TPD52L1: variants seen among roughly 807,000 people sequenced by gnomAD.
TPD52L1 encodes tumor protein D53.
A neutral mutation model predicts 28.7 loss-of-function variants in TPD52L1; 18 were observed. The ratio of observed to expected loss-of-function variants is 0.63; its 90% CI spans 0.43 to 0.93. The LOEUF is 0.93. Among genes scored for constraint, TPD52L1 ranks in the 40% least tolerant of loss-of-function variants. TPD52L1 has a pLI of 0.00. For missense variants in TPD52L1, 203 were observed against 254.8 expected (o/e 0.80, Z 1.39); for synonymous variants, 75 against 88.8 (o/e 0.84, Z 0.88).
intron 6 of TPD52L1, chr6:125,262,181 C>T (rs1204501107): frequency 6.6e-6 from 1 of 152,214 alleles, no homozygotes; most frequent in East Asian, 1.9e-4. Context: ...CCAGGTTCCT[C>T]CTTGCTAGGA....
At chr6:125,172,528 A>ATAT (rs1554202615) in intron 1 of TPD52L1, among the ~76,000 whole-genome samples, 6 of 83,442 alleles carry the variant, frequency 7.2e-5, no homozygotes, top group Admixed American at 1.4e-4. Flanking sequence ...ATATATATAT[A>ATAT]TATATATATA....
intron 1 of TPD52L1, among the ~76,000 whole-genome samples, chr6:125,207,080 T>G (rs2114918606): frequency 6.6e-6 from 1 of 152,326 alleles, no homozygotes; most frequent in South Asian, 2.1e-4. Flanking sequence ...AGGGGATTAA[T>G]TCAACAAACA....
chr6:125,251,707 G>T (rs1236036025), intron 4 of TPD52L1, among the ~76,000 whole-genome samples: 1 of 152,154 alleles, frequency 6.6e-6, no homozygotes, highest in African/African-American at 2.4e-5. Context: ...AATAACATTG[G>T]CATCTTCTGG....
chr6:125,178,480 G>A (rs1791957819), intron 1 of TPD52L1, among the ~76,000 whole-genome samples: 1 of 152,080 alleles, frequency 6.6e-6, no homozygotes, highest in Admixed American at 6.5e-5. Flanking sequence ...ACTTAGCCAG[G>A]CGTGGTGGCA....
intron 6 of TPD52L1, chr6:125,261,581 A>G (rs550074840): frequency 1.3e-5 from 2 of 151,666 alleles, no homozygotes; most frequent in Non-Finnish European, 2.9e-5. Flanking sequence ...CCATATTTTT[A>G]GTGCATCTAC....
Position 125,262,932 on chromosome 6 carries a change from G to A in TPD52L1, c.585G>A (p.Arg195=). 6.2e-7 allele frequency: 1 copy of A among 1,614,124 alleles called. No homozygotes were observed. The highest frequency in any genetic ancestry group is 8.5e-7 in the Non-Finnish European group (1 of 1,179,988). The part of the protein sequence containing the change: ...ASAQSLAGGS[R]RTKEEELQC ...CCCAGAGCTTGGCAGGAGGCTCCCG[G>A]CGGACCAAGGAGGAGGAGCTGCAGT... Residue 195 remains arginine (R), a synonymous_variant, in exon 7 of 7, where the codon CGG becomes CGA. Transcript: ENST00000534000.
intron 1 of TPD52L1, among the ~76,000 whole-genome samples, chr6:125,216,340 T>G (rs568213582): frequency 2.0e-5 from 3 of 151,948 alleles, no homozygotes; most frequent in South Asian, 2.1e-4. Flanking sequence ...ACCTAATGAC[T>G]TAGCTAGGAG....
chr6:125,247,146 A>G (rs372982432), intron 3 of TPD52L1, among the ~76,000 whole-genome samples: 183 of 152,222 alleles, frequency 1.2e-3, no homozygotes, highest in African/African-American at 4.1e-3. Context: ...GGCAGTTCCT[A>G]CATAGCTGAT....
chr6:125,188,998 G>A (rs1337630052), intron 1 of TPD52L1, among the ~76,000 whole-genome samples: 1 of 152,224 alleles, frequency 6.6e-6, no homozygotes, highest in Non-Finnish European at 1.5e-5. Flanking sequence ...TTAAGCTAGA[G>A]GCAAATAAAT....
At chr6:125,154,519 C>T in intron 1 of TPD52L1, 1 of 979,772 alleles carries the variant, frequency 1.0e-6, no homozygotes, top group African/African-American at 1.8e-5. Flanking sequence ...CCCTGACCTC[C>T]AGCAGATCCA....
At chr6:125,172,619 A>G (rs1582856942) in intron 1 of TPD52L1, among the ~76,000 whole-genome samples, 1 of 104,698 alleles carries the variant, frequency 9.6e-6, no homozygotes, top group East Asian at 4.7e-4. Context: ...ATATATAATT[A>G]TATATATATA....
chr6:125,260,936 GAAAGAAAGAAAGA>G (rs1481322507), intron 6 of TPD52L1: 4 of 79,244 alleles, frequency 5.0e-5, no homozygotes, highest in Non-Finnish European at 1.1e-4. Context: ...AAGAAAGAAA[GAAAGAAAGAAAGA>G]AAGAAAGAAA....
intron 1 of TPD52L1, among the ~76,000 whole-genome samples, chr6:125,207,790 T>C (rs535580912): frequency 6.6e-6 from 1 of 152,352 alleles, no homozygotes. Flanking sequence ...GTCTCTGATC[T>C]AGGAGTCTGG....
chr6:125,161,946 G>A (rs1268604599), intron 1 of TPD52L1, among the ~76,000 whole-genome samples: 1 of 151,962 alleles, frequency 6.6e-6, no homozygotes, highest in African/African-American at 2.4e-5. Context: ...ATATCTGTGA[G>A]GTACAATAAA....
At chr6:125,214,826 CA>C (rs1432756003) in intron 1 of TPD52L1, among the ~76,000 whole-genome samples, 1 of 152,122 alleles carries the variant, frequency 6.6e-6, no homozygotes, top group Non-Finnish European at 1.5e-5. Context: ...ATAGCATTTT[CA>C]AGTATATTAT....
chr6:125,178,660 T>A (rs559215285), intron 1 of TPD52L1, among the ~76,000 whole-genome samples: 19 of 147,050 alleles, frequency 1.3e-4, no homozygotes, highest in South Asian at 6.4e-4. Context: ...CAAAACAAAA[T>A]ATATATATAT....
At chr6:125,196,451 A>G (rs1793447047) in intron 1 of TPD52L1, among the ~76,000 whole-genome samples, 1 of 152,260 alleles carries the variant, frequency 6.6e-6, no homozygotes, top group Non-Finnish European at 1.5e-5. Flanking sequence ...AAATGCAAAA[A>G]AGTCTAAATA....
chr6:125,197,612 A>AT (rs1226062274), intron 1 of TPD52L1, among the ~76,000 whole-genome samples: 32 of 151,672 alleles, frequency 2.1e-4, no homozygotes, highest in South Asian at 8.4e-4. Context: ...AGTCAGAAGG[A>AT]TTTTTTTTTA....
intron 1 of TPD52L1, 199 bp downstream of exon 1, chr6:125,154,169 G>A: frequency 7.3e-7 from 1 of 1,375,680 alleles, no homozygotes; most frequent in Non-Finnish European, 9.4e-7. Context: ...GATCAATAAA[G>A]TGACAGGGGA....
Sources: gnomAD v4.1 joint callset for allele counts (sites outside exome capture counted in the v4.1 genomes callset) on GRCh38, gnomAD v4.1.1 for gene constraint, MANE v1.5 for transcripts, NCBI Gene and HGNC (gene_info 2026-07-23, HGNC 2026-07-21) for gene names.